KCNK1: variants seen among roughly 807,000 people sequenced by gnomAD.
KCNK1 encodes the protein potassium channel subfamily K member 1.
In KCNK1, 10 loss-of-function variants were observed where a neutral mutation model predicts 22.2. That is an observed-to-expected ratio of 0.45 (90% CI 0.28 to 0.76). The LOEUF (loss-of-function observed/expected upper bound fraction) is 0.76. Among genes scored for constraint, KCNK1 ranks in the 30% least tolerant of loss-of-function variants. The probability of loss-of-function intolerance (pLI) is 0.14; values close to 1 mark genes in which losing one functional copy is unlikely to be tolerated. For missense variants in KCNK1, 378 were observed against 421.0 expected (o/e 0.90, Z 0.89); for synonymous variants, 200 against 186.4 (o/e 1.07, Z -0.60).
chr1:233,666,543 T>C, intron 1 of KCNK1, 52 bp from the exon 2 acceptor site: 2 of 1,530,022 alleles, frequency 1.3e-6, no homozygotes, highest in African/African-American at 1.4e-5. Context: ...TAAAAACGTG[T>C]TTGCCACTTT....
chr1:233,661,126 C>T (rs779374502), intron 1 of KCNK1, among the ~76,000 whole-genome samples: 1 of 152,118 alleles, frequency 6.6e-6, no homozygotes, highest in Admixed American at 6.6e-5. Context: ...GTTTTGAGCC[C>T]GTTTCCCTCC....
chr1:233,629,859 G>C (rs187076143), intron 1 of KCNK1: 5 of 152,214 alleles, frequency 3.3e-5, no homozygotes, highest in Non-Finnish European at 4.4e-5. Flanking sequence ...AGAGGGAGAC[G>C]GCCCTGGACG....
chr1:233,637,862 A>G (rs1657929937), intron 1 of KCNK1, among the ~76,000 whole-genome samples: 1 of 152,174 alleles, frequency 6.6e-6, no homozygotes, highest in Non-Finnish European at 1.5e-5. Context: ...TAAAACCCTT[A>G]AGACCAGTGA....
At chr1:233,649,416 A>C (rs953263) in intron 1 of KCNK1, among the ~76,000 whole-genome samples, 5,448 of 152,284 alleles carry the variant, frequency 0.036, 306 homozygotes, top group African/African-American at 0.12. Context: ...CTACTCTTGC[A>C]TGAAGAAATA....
At chr1:233,615,081 C>G (rs536070560) in intron 1 of KCNK1, among the ~76,000 whole-genome samples, 10 of 152,210 alleles carry the variant, frequency 6.6e-5, no homozygotes, top group Non-Finnish European at 1.5e-4. Flanking sequence ...TATTCCAGCT[C>G]TTTTGTACCT....
intron 1 of KCNK1, among the ~76,000 whole-genome samples, chr1:233,651,740 G>C (rs888948703): frequency 1.3e-5 from 2 of 152,214 alleles, no homozygotes; most frequent in Non-Finnish European, 2.9e-5. Flanking sequence ...GGAGCAGGAC[G>C]TGTGCAGTGT....
intron 1 of KCNK1, among the ~76,000 whole-genome samples, chr1:233,642,917 C>G (rs1297431310): frequency 6.6e-6 from 1 of 150,782 alleles, no homozygotes; most frequent in Non-Finnish European, 1.5e-5. Context: ...TACAGGCATG[C>G]GCCACCGCAC....
intron 1 of KCNK1, among the ~76,000 whole-genome samples, chr1:233,639,654 G>A (rs559475087): frequency 2.6e-5 from 4 of 152,342 alleles, no homozygotes; most frequent in African/African-American, 9.6e-5. Flanking sequence ...ATAAGGGAGA[G>A]AGTTGATGCT....
intron 1 of KCNK1, among the ~76,000 whole-genome samples, chr1:233,645,250 G>A (rs1396359782): frequency 1.3e-5 from 2 of 151,934 alleles, no homozygotes; most frequent in East Asian, 1.9e-4. Flanking sequence ...TAAGCCTATA[G>A]TGTTGTAATG....
At chr1:233,657,104 A>G (rs1658311550) in intron 1 of KCNK1, among the ~76,000 whole-genome samples, 1 of 152,218 alleles carries the variant, frequency 6.6e-6, no homozygotes, top group African/African-American at 2.4e-5. Context: ...AGTACTGAGT[A>G]AGAAGCCCAT....
chr1:233,634,318 C>CAAAAA (rs57277108), intron 1 of KCNK1, among the ~76,000 whole-genome samples: 8 of 140,416 alleles, frequency 5.7e-5, no homozygotes, highest in East Asian at 2.1e-4. Context: ...ACAACAACAA[C>CAAAAA]AAAAAAAAAA....
At chr1:233,649,118 G>T (rs778133187) in intron 1 of KCNK1, among the ~76,000 whole-genome samples, 4 of 152,162 alleles carry the variant, frequency 2.6e-5, no homozygotes, top group Non-Finnish European at 5.9e-5. Flanking sequence ...GAGTAAAAAG[G>T]TGTATTTTTC....
chr1:233,664,220 C>T (rs1658450880), intron 1 of KCNK1, among the ~76,000 whole-genome samples: 1 of 152,184 alleles, frequency 6.6e-6, no homozygotes. Flanking sequence ...CTCCTTGGTG[C>T]CTCGCTGAAG....
chr1:233,639,794 A>T (rs1023128747), intron 1 of KCNK1, among the ~76,000 whole-genome samples: 110 of 152,162 alleles, frequency 7.2e-4, no homozygotes, highest in African/African-American at 2.5e-3. Context: ...CCTGGCATTT[A>T]TCCGGAGAGC....
chr1:233,631,400 A>G, intron 1 of KCNK1: 2 of 446,116 alleles, frequency 4.5e-6, no homozygotes, highest in South Asian at 1.6e-5. Flanking sequence ...CTCTTTAATG[A>G]TAGGATTTTA....
intron 1 of KCNK1, among the ~76,000 whole-genome samples, chr1:233,633,892 G>T (rs895859610): frequency 6.6e-6 from 1 of 152,088 alleles, no homozygotes; most frequent in African/African-American, 2.4e-5. Flanking sequence ...TCACACATCC[G>T]CAACACAGCA....
chr1:233,627,591 C>A (rs1657712621), intron 1 of KCNK1, among the ~76,000 whole-genome samples: 1 of 150,158 alleles, frequency 6.7e-6, no homozygotes, highest in African/African-American at 2.5e-5. Context: ...CACGGGCCAG[C>A]TCCAGCAGAT....
rs1658602848 is a variant in KCNK1, at chr1:233,671,684, A to G, written c.*154A>G. The stretch of plus-strand genomic sequence containing the variant: ...ATGTCTTATTAAAAAACAACAAAAA[A>G]AGACAAATGGAACAAAGAAGCTGTG... On this transcript the variant is annotated 3_prime_UTR_variant, in exon 3 of 3. Transcript: ENST00000366621. The G allele has an allele frequency of 1.2e-6, 1 of 845,990 alleles. No individual in the cohort carries two copies. The highest frequency in any genetic ancestry group is 1.8e-5 in the South Asian group (1 of 54,234). 52.4% of individuals were successfully genotyped at this position (845,990 alleles called of 1,614,324 possible). A position where few individuals can be genotyped will look rare whatever the true frequency, so the allele number is the denominator to read the frequency against.
chr1:233,642,390 C>G (rs1380150973), intron 1 of KCNK1, among the ~76,000 whole-genome samples: 1 of 152,236 alleles, frequency 6.6e-6, no homozygotes, highest in Non-Finnish European at 1.5e-5. Flanking sequence ...TAGCTTTCCT[C>G]TGCTCCATGG....
Sources: allele counts gnomAD v4.1 joint callset (sites outside exome capture counted in the v4.1 genomes callset), GRCh38; gene constraint gnomAD v4.1.1; transcripts MANE v1.5; gene names NCBI Gene and HGNC (gene_info 2026-07-23, HGNC 2026-07-21).